Variants in PARN observed in about 807,000 individuals in gnomAD.
The protein encoded by PARN is poly(A)-specific ribonuclease PARN.
Under a neutral mutation model 102.8 loss-of-function variants are expected in PARN, and 71 were observed. The ratio of observed to expected loss-of-function variants is 0.69; its 90% CI spans 0.57 to 0.84. The LOEUF is 0.84. PARN is among the 40% of genes least tolerant of loss of function. PARN has a pLI of 0.00. For synonymous variants in PARN, 261 were observed against 252.9 expected (o/e 1.03, Z -0.30); for missense variants, 782 against 760.9 (o/e 1.03, Z -0.33).
chr16:14,609,232 T>C (rs1450540010), intron 7 of PARN, 109 bp from the exon 8 acceptor site: 4 of 590,546 alleles, frequency 6.8e-6, no homozygotes, highest in Non-Finnish European at 8.9e-6. Context: ...CATGTGACAA[T>C]GTAATTCTAC....
At chr16:14,600,638 A>AC (rs1970813273) in intron 11 of PARN, among the ~76,000 whole-genome samples, 1 of 152,040 alleles carries the variant, frequency 6.6e-6, no homozygotes, top group South Asian at 2.1e-4. Flanking sequence ...CTTAAAACTA[A>AC]CCCCAACACT....
intron 22 of PARN, among the ~76,000 whole-genome samples, chr16:14,464,398 AAATG>A (rs1489122927): frequency 6.6e-6 from 1 of 152,206 alleles, no homozygotes; most frequent in Non-Finnish European, 1.5e-5. Context: ...CAGTATCTTA[AAATG>A]AATGAAAGAA....
At chr16:14,570,321 CAAAAAAAAAAAAAAAAAAAA>C (rs59965954) in intron 18 of PARN, among the ~76,000 whole-genome samples, 2 of 63,082 alleles carry the variant, frequency 3.2e-5, no homozygotes, top group Non-Finnish European at 5.2e-5. Flanking sequence ...GACTCTGTCT[CAAAAAAAAAAAAAAAAAAAA>C]AAAAAAAGAA....
At chr16:14,596,434 T>C (rs1396084579) in intron 12 of PARN, among the ~76,000 whole-genome samples, 2 of 151,654 alleles carry the variant, frequency 1.3e-5, no homozygotes, top group African/African-American at 4.8e-5. Context: ...ATAAAAACCA[T>C]TAAATAAACA....
intron 18 of PARN, among the ~76,000 whole-genome samples, chr16:14,569,187 G>C (rs1430119052): frequency 6.6e-6 from 1 of 151,742 alleles, no homozygotes; most frequent in Admixed American, 6.6e-5. Flanking sequence ...ACTCCAGCCT[G>C]GGCGATGGAG....
chr16:14,588,783 G>A (rs1479780521), intron 13 of PARN, among the ~76,000 whole-genome samples: 1 of 152,068 alleles, frequency 6.6e-6, no homozygotes, highest in Non-Finnish European at 1.5e-5. Context: ...TTGAGAGACT[G>A]AGACATGAGA....
chr16:14,446,353 C>A (rs2151556081), intron 23 of PARN, among the ~76,000 whole-genome samples: 1 of 152,328 alleles, frequency 6.6e-6, no homozygotes, highest in South Asian at 2.1e-4. Context: ...ATTCCCACCT[C>A]AGGGCTACGG....
chr16:14,462,014 T>C (rs1297397540), intron 22 of PARN, among the ~76,000 whole-genome samples: 2 of 152,246 alleles, frequency 1.3e-5, no homozygotes, highest in Non-Finnish European at 2.9e-5. Context: ...TATACTTTAT[T>C]CAATTACTCA....
intron 18 of PARN, among the ~76,000 whole-genome samples, chr16:14,577,793 C>A (rs187503479): frequency 2.0e-4 from 30 of 151,970 alleles, no homozygotes; most frequent in South Asian, 6.2e-4. Flanking sequence ...TCAGCCCCCC[C>A]AGTAGCTGGG....
intron 21 of PARN, among the ~76,000 whole-genome samples, chr16:14,528,846 G>A (rs1376285617): frequency 1.3e-5 from 2 of 152,122 alleles, no homozygotes; most frequent in Non-Finnish European, 2.9e-5. Flanking sequence ...AACTAGTTGA[G>A]TATTCAATTA....
At chr16:14,531,178 T>C (rs568416836) in intron 21 of PARN, among the ~76,000 whole-genome samples, 17 of 152,192 alleles carry the variant, frequency 1.1e-4, no homozygotes, top group Middle Eastern at 3.4e-3. Context: ...ACCCCATCTA[T>C]ATCAAAAAAT....
chr16:14,478,815 C>T (rs1963216338), intron 22 of PARN, among the ~76,000 whole-genome samples: 1 of 152,164 alleles, frequency 6.6e-6, no homozygotes. Context: ...AAGTCTCGCT[C>T]TTGTCCCCCA....
chr16:14,518,124 T>A (rs997223327), intron 21 of PARN, among the ~76,000 whole-genome samples: 2 of 151,250 alleles, frequency 1.3e-5, no homozygotes, highest in Admixed American at 6.6e-5. Context: ...TGCTCTTTTT[T>A]AAAAAACCCT....
chr16:14,458,911 T>TG (rs1236490995), intron 22 of PARN, among the ~76,000 whole-genome samples: 2 of 152,106 alleles, frequency 1.3e-5, no homozygotes, highest in African/African-American at 4.8e-5. Flanking sequence ...GCTGACGAAA[T>TG]GGGGTAGCCA....
chr16:14,598,395 A>C (rs184244946), intron 12 of PARN, among the ~76,000 whole-genome samples: 2 of 152,294 alleles, frequency 1.3e-5, no homozygotes, highest in African/African-American at 4.8e-5. Flanking sequence ...AAGACAAACA[A>C]ATGTCCAATC....
intron 22 of PARN, among the ~76,000 whole-genome samples, chr16:14,469,205 G>A (rs939370072): frequency 6.6e-6 from 1 of 152,142 alleles, no homozygotes; most frequent in South Asian, 2.1e-4. Context: ...GCTGAGGCAG[G>A]AGAATCGCTT....
At chr16:14,483,995 T>G (rs1963522702) in intron 21 of PARN, among the ~76,000 whole-genome samples, 1 of 152,200 alleles carries the variant, frequency 6.6e-6, no homozygotes, top group African/African-American at 2.4e-5. Context: ...CACCCCCTCC[T>G]GTCCTTCCCC....
At chr16:14,507,087 G>A (rs1964935521) in intron 21 of PARN, among the ~76,000 whole-genome samples, 2 of 152,132 alleles carry the variant, frequency 1.3e-5, no homozygotes, top group African/African-American at 4.8e-5. Context: ...AGCACTTTGG[G>A]AGGCCGAGGC....
chr16:14,438,896 C>T (rs1327256852), intron 23 of PARN, among the ~76,000 whole-genome samples: 4 of 152,142 alleles, frequency 2.6e-5, no homozygotes, highest in African/African-American at 9.7e-5. Context: ...CCACTAACAG[C>T]GTTCTTTCCA....
Sources: allele counts gnomAD v4.1 joint callset (sites outside exome capture counted in the v4.1 genomes callset), GRCh38; gene constraint gnomAD v4.1.1; transcripts MANE v1.5; gene names NCBI Gene and HGNC (gene_info 2026-07-23, HGNC 2026-07-21).